The following C12orf42 variants were observed in gnomAD, a reference collection of about 807,000 sequenced individuals.
C12orf42 encodes chromosome 12 open reading frame 42, also known as uncharacterized protein C12orf42.
In C12orf42, 25 loss-of-function variants were observed where a neutral mutation model predicts 21.6. That is an observed-to-expected ratio of 1.16 (90% confidence interval 0.84 to 1.62). The LOEUF is 1.62. C12orf42 is among the 40% of genes most tolerant of loss of function. C12orf42 has a pLI of 0.00. For synonymous variants in C12orf42, 174 were observed against 175.0 expected, an observed-to-expected ratio of 0.99 and a Z score of 0.05; for missense variants, 483 against 459.3, an observed-to-expected ratio of 1.05 and a Z score of -0.47.
At chr12:103,245,614 C>T (rs899966304) in intron 10 of C12orf42, among the ~76,000 whole-genome samples, 6 of 152,168 alleles carry the variant, frequency 3.9e-5, no homozygotes, top group African/African-American at 1.4e-4. Context: ...TTTCTCAGAA[C>T]ACTAGGAGCT....
chr12:103,217,598 C>T, the C12orf42 span, among the ~76,000 whole-genome samples: 1 of 151,918 alleles, frequency 6.6e-6, no homozygotes. Flanking sequence ...TTACTGCTCA[C>T]TCCAGAACAC....
intron 2 of C12orf42, among the ~76,000 whole-genome samples, chr12:103,468,641 C>G (rs1953333541): frequency 6.6e-6 from 1 of 152,154 alleles, no homozygotes; most frequent in East Asian, 1.9e-4. Context: ...AGAATTCTCT[C>G]CCATTTCAAG....
intron 4 of C12orf42, among the ~76,000 whole-genome samples, chr12:103,342,156 G>C (rs1373260124): frequency 1.3e-5 from 2 of 152,086 alleles, no homozygotes; most frequent in Admixed American, 6.6e-5. Flanking sequence ...GGGGTGCAAG[G>C]GTAGATACCT....
At chr12:103,296,548 G>A (rs1212941160) in intron 4 of C12orf42, among the ~76,000 whole-genome samples, 8 of 152,042 alleles carry the variant, frequency 5.3e-5, no homozygotes, top group Non-Finnish European at 8.8e-5. Flanking sequence ...TTTAATGATC[G>A]CCATTCTAAC....
the C12orf42 span, among the ~76,000 whole-genome samples, chr12:103,194,590 A>G: frequency 6.6e-6 from 1 of 152,166 alleles, no homozygotes; most frequent in African/African-American, 2.4e-5. Context: ...ATAATAGAAT[A>G]CTTAGGAATA....
At chr12:103,286,627 TAGAG>T (rs952713802) in intron 4 of C12orf42, among the ~76,000 whole-genome samples, 1 of 151,690 alleles carries the variant, frequency 6.6e-6, no homozygotes, top group African/African-American at 2.4e-5. Context: ...TATTTTGCAA[TAGAG>T]AGGAAAAATG....
At chr12:103,069,826 G>A in the C12orf42 span, among the ~76,000 whole-genome samples, 1 of 152,172 alleles carries the variant, frequency 6.6e-6, no homozygotes, top group Non-Finnish European at 1.5e-5. Context: ...AATTGCGGTT[G>A]AAGTATTCCT....
chr12:103,310,523 C>T (rs985173319), intron 4 of C12orf42, among the ~76,000 whole-genome samples: 1 of 152,200 alleles, frequency 6.6e-6, no homozygotes, highest in African/African-American at 2.4e-5. Flanking sequence ...ATACACAAAA[C>T]ACAACTGTTC....
At chr12:103,101,913 C>T in the C12orf42 span, among the ~76,000 whole-genome samples, 1 of 152,214 alleles carries the variant, frequency 6.6e-6, no homozygotes, top group Non-Finnish European at 1.5e-5. Context: ...TGTAGTCTTC[C>T]ATCCAGTAGT....
intron 1 of C12orf42, among the ~76,000 whole-genome samples, chr12:103,494,485 A>AT (rs530597635): frequency 2.6e-4 from 39 of 151,528 alleles, no homozygotes; most frequent in African/African-American, 9.2e-4. Flanking sequence ...CTTTATTGGC[A>AT]TTTTTTTATC....
the C12orf42 span, among the ~76,000 whole-genome samples, chr12:103,524,512 A>AG: frequency 2.0e-5 from 3 of 152,226 alleles, no homozygotes; most frequent in Non-Finnish European, 4.4e-5. Flanking sequence ...AACCCTGGGC[A>AG]AGTCCTCCCT....
At chr12:103,348,478 A>G (rs1191525168) in intron 4 of C12orf42, among the ~76,000 whole-genome samples, 2 of 152,222 alleles carry the variant, frequency 1.3e-5, no homozygotes, top group East Asian at 3.8e-4. Context: ...ACCAAATGAC[A>G]TCTGTACAAC....
chr12:103,458,649 T>C (rs1212998184), intron 2 of C12orf42, among the ~76,000 whole-genome samples: 1 of 152,166 alleles, frequency 6.6e-6, no homozygotes, highest in Non-Finnish European at 1.5e-5. Context: ...TGAATCCTTG[T>C]GTTTAAAAGC....
intron 10 of C12orf42, among the ~76,000 whole-genome samples, chr12:103,251,636 C>T (rs1200898319): frequency 6.6e-6 from 1 of 152,156 alleles, no homozygotes; most frequent in Non-Finnish European, 1.5e-5. Context: ...ATTACCTCAA[C>T]TAATTTTGAA....
chr12:103,544,711 T>C, the C12orf42 span, among the ~76,000 whole-genome samples: 17 of 152,242 alleles, frequency 1.1e-4, no homozygotes, highest in Non-Finnish European at 2.1e-4. Flanking sequence ...TCTTTGTGCT[T>C]CATTCTGAAT....
chr12:103,545,692 C>T, the C12orf42 span, among the ~76,000 whole-genome samples: 1 of 152,218 alleles, frequency 6.6e-6, no homozygotes, highest in Admixed American at 6.5e-5. Context: ...TGATCCTCCA[C>T]CGGTCCCTTA....
the C12orf42 span, among the ~76,000 whole-genome samples, chr12:103,528,315 A>G: frequency 3.1e-4 from 47 of 152,366 alleles, 2 homozygotes; most frequent in African/African-American, 1.1e-3. Flanking sequence ...TATAGCTTAC[A>G]AGTAGTACTT....
the C12orf42 span, among the ~76,000 whole-genome samples, chr12:103,085,091 T>C: frequency 6.6e-6 from 1 of 152,106 alleles, no homozygotes; most frequent in Non-Finnish European, 1.5e-5. Context: ...TTTCCAAAGA[T>C]AAATAATCTA....
rs747232327 is a variant in C12orf42 at position 103,302,508 on chromosome 12, G to T, written c.683C>A (p.Thr228Lys). The T allele has an allele frequency of 1.2e-6, 2 of 1,613,200 alleles. No homozygotes were observed. The highest frequency in any genetic ancestry group is 1.7e-6 in the Non-Finnish European group (2 of 1,179,782). ...GCCGGTGCTCTGCAGAGCGCCGGGC[G>T]TCTGGCTCCTCCTGCAGAGGCCGAT... ...TAIGLCRRSQ[T>K]PGALQSTGPS... Residue 228 changes from threonine to lysine, a missense_variant, in exon 6 of 6, where the codon ACG becomes AAG. Transcript: ENST00000548883.
Sources: allele counts gnomAD v4.1 joint callset (sites outside exome capture counted in the v4.1 genomes callset), GRCh38; gene constraint gnomAD v4.1.1; transcripts MANE v1.5; gene names NCBI Gene and HGNC (gene_info 2026-07-23, HGNC 2026-07-21).